PLCB1: variants seen among roughly 807,000 people sequenced by gnomAD.
PLCB1 encodes 1-phosphatidylinositol 4,5-bisphosphate phosphodiesterase beta-1.
PLCB1 carries 46 observed loss-of-function variants against 161.8 expected under a neutral mutation model. The observed-to-expected ratio is 0.28, with a 90% confidence interval of 0.22 to 0.36. The LOEUF is 0.36. PLCB1 is among the 10% of genes least tolerant of loss of function. The probability of loss-of-function intolerance (pLI) is 1.00; values close to 1 mark genes in which losing one functional copy is unlikely to be tolerated. For missense variants in PLCB1, 1,016 were observed against 1,472.5 expected (o/e 0.69, Z 5.07); for synonymous variants, 517 against 503.7 (o/e 1.03, Z -0.35).
rs569950760 is a variant in PLCB1, at chr20:8,559,176, T to C, written c.247-69118T>C. On this transcript the variant is annotated intron_variant, in intron 3 of 31. Transcript: ENST00000338037. The stretch of plus-strand genomic sequence containing the variant: ...ATACAATGTATAAAGATATAGTCTG[T>C]GACAAAAACAATTTAAAGAAAGAGA... Among the ~76,000 whole-genome samples the C allele has an allele frequency of 2.3e-4, 35 of 151,928 alleles. No individual in the cohort carries two copies. In the South Asian group the frequency reaches 5.4e-3, roughly 23 times the overall value.
intron 19 of PLCB1, among the ~76,000 whole-genome samples, chr20:8,733,822 T>TAATAAA (rs1239120246): frequency 8.0e-5 from 11 of 136,784 alleles, no homozygotes; most frequent in African/African-American, 3.1e-4. Context: ...ATAATAATAA[T>TAATAAA]AATAAAAGTT....
At chr20:8,562,312 A>G (rs1986167270) in intron 3 of PLCB1, among the ~76,000 whole-genome samples, 1 of 152,036 alleles carries the variant, frequency 6.6e-6, no homozygotes, top group African/African-American at 2.4e-5. Flanking sequence ...AGTCCACACT[A>G]TGTGAGTGTG....
intron 25 of PLCB1, among the ~76,000 whole-genome samples, chr20:8,761,212 A>G (rs1364120731): frequency 6.6e-6 from 1 of 152,220 alleles, no homozygotes; most frequent in Non-Finnish European, 1.5e-5. Flanking sequence ...ACAAAAGAAC[A>G]TATTCTGTAG....
At chr20:8,259,071 G>A (rs569255863) in intron 2 of PLCB1, among the ~76,000 whole-genome samples, 5 of 152,146 alleles carry the variant, frequency 3.3e-5, no homozygotes, top group South Asian at 2.1e-4. Context: ...GTAGCATAAC[G>A]CCTTTTAGAT....
chr20:8,298,064 G>GC (rs73616196), intron 2 of PLCB1, among the ~76,000 whole-genome samples: 151,981 of 151,982 alleles, frequency 1, 75,990 homozygotes, highest in Non-Finnish European at 1. Flanking sequence ...GGGAGGCCTA[G>GC]CAGGAGGATT....
intron 2 of PLCB1, among the ~76,000 whole-genome samples, chr20:8,239,749 A>G (rs1980509871): frequency 6.6e-6 from 1 of 152,024 alleles, no homozygotes; most frequent in Admixed American, 6.6e-5. Context: ...ATAGCATTTT[A>G]TTCTATGCCT....
At chr20:8,553,071 G>A (rs1306986480) in intron 3 of PLCB1, among the ~76,000 whole-genome samples, 1 of 152,106 alleles carries the variant, frequency 6.6e-6, no homozygotes, top group Non-Finnish European at 1.5e-5. Context: ...AAAGAACAGG[G>A]CTGAAGATTT....
At chr20:8,798,197 G>GAA (rs5840289) in intron 31 of PLCB1, among the ~76,000 whole-genome samples, 6 of 140,406 alleles carry the variant, frequency 4.3e-5, no homozygotes, top group African/African-American at 1.6e-4. Context: ...ACTCTATATC[G>GAA]AAAAAAAAAA....
chr20:8,877,276 TA>T (rs1987814056), intron 31 of PLCB1, among the ~76,000 whole-genome samples: 1 of 152,218 alleles, frequency 6.6e-6, no homozygotes, highest in African/African-American at 2.4e-5. Context: ...AGGAAGAATC[TA>T]AACTGGAATT....
chr20:8,712,644 A>G (rs774198846), intron 12 of PLCB1, among the ~76,000 whole-genome samples: 8 of 152,258 alleles, frequency 5.3e-5, no homozygotes, highest in Non-Finnish European at 1.0e-4. Context: ...GTTCAGCCAC[A>G]GAAAGCTGTG....
chr20:8,736,366 A>G (rs553317997), intron 19 of PLCB1, among the ~76,000 whole-genome samples: 30 of 152,360 alleles, frequency 2.0e-4, no homozygotes, highest in African/African-American at 6.5e-4. Flanking sequence ...AAAGATGGTG[A>G]CACCTTGTGA....
chr20:8,317,874 A>G (rs56007916), intron 2 of PLCB1, among the ~76,000 whole-genome samples: 6,663 of 152,132 alleles, frequency 0.044, 473 homozygotes, highest in African/African-American at 0.15. Context: ...TAAATAACCC[A>G]TTCATCTTTC....
At chr20:8,685,259 T>G (rs946037486) in intron 10 of PLCB1, among the ~76,000 whole-genome samples, 181 bp downstream of exon 10, 1 of 152,308 alleles carries the variant, frequency 6.6e-6, no homozygotes, top group African/African-American at 2.4e-5. Context: ...TCCACATGTG[T>G]ATGAAGCAAT....
intron 4 of PLCB1, among the ~76,000 whole-genome samples, chr20:8,645,797 A>G (rs573079347): frequency 2.2e-4 from 34 of 152,366 alleles, no homozygotes; most frequent in African/African-American, 8.2e-4. Context: ...TTTATAATTC[A>G]AGGAAATAGT....
chr20:8,684,014 G>C (rs2123395934), intron 9 of PLCB1, among the ~76,000 whole-genome samples: 1 of 151,124 alleles, frequency 6.6e-6, no homozygotes, highest in Non-Finnish European at 1.5e-5. Context: ...CTCCCGAGTA[G>C]CTGGGACTGC....
intron 2 of PLCB1, among the ~76,000 whole-genome samples, chr20:8,346,738 C>T (rs1251588959): frequency 6.6e-6 from 1 of 152,032 alleles, no homozygotes; most frequent in East Asian, 1.9e-4. Flanking sequence ...CTCCCTGTCC[C>T]AAGAGCTCAA....
intron 3 of PLCB1, among the ~76,000 whole-genome samples, chr20:8,559,757 A>G (rs182341051): frequency 4.6e-5 from 7 of 152,178 alleles, no homozygotes; most frequent in Admixed American, 3.9e-4. Context: ...CATCAAGAAT[A>G]TAAAACAATT....
At chr20:8,560,102 G>A (rs527581625) in intron 3 of PLCB1, among the ~76,000 whole-genome samples, 1 of 152,126 alleles carries the variant, frequency 6.6e-6, no homozygotes, top group Admixed American at 6.6e-5. Flanking sequence ...CTGGGAGGCT[G>A]ATAGAAAATA....
At chr20:8,579,680 C>G (rs571243386) in intron 3 of PLCB1, among the ~76,000 whole-genome samples, 1 of 152,196 alleles carries the variant, frequency 6.6e-6, no homozygotes, top group African/African-American at 2.4e-5. Flanking sequence ...GTATTTTTCC[C>G]ACAAAATGCT....
Sources: gnomAD v4.1 joint callset for allele counts (sites outside exome capture counted in the v4.1 genomes callset) on GRCh38, gnomAD v4.1.1 for gene constraint, MANE v1.5 for transcripts, NCBI Gene and HGNC (gene_info 2026-07-23, HGNC 2026-07-21) for gene names.